HMGB1: variants seen among roughly 807,000 people sequenced by gnomAD.
HMGB1 encodes the protein high mobility group box 1.
For missense variants in HMGB1, 79 were observed against 253.5 expected (o/e 0.31, Z 4.67); for synonymous variants, 81 against 84.0 (o/e 0.96, Z 0.19).
In HMGB1 at chr13:30,617,432, G is replaced by C. The variant is rs544910777; in HGVS notation, c.-776C>G. 1.5e-4 allele frequency: 23 copies of C among 151,748 alleles called. 1 individual carries two copies. Among genetic ancestry groups the C allele is most frequent in the Admixed American group, 1.5e-3 (23 of 15,258 alleles). The allele number at this position is 151,748 out of a possible 1,614,324, so 9.4% of individuals were successfully genotyped here. A position where few individuals can be genotyped will look rare whatever the true frequency, so the allele number is the denominator to read the frequency against. On this transcript the variant is annotated 5_prime_UTR_variant, in exon 1 of 5. Transcript: ENST00000405805. Reference sequence around the variant, plus strand: ...GGCGCGGCCCAGCTGTGAAGGCCGCGCCGGCGGAGAGGGTCCATGGCACCC... The same window carrying C: ...GGCGCGGCCCAGCTGTGAAGGCCGCCCCGGCGGAGAGGGTCCATGGCACCC...
intron 1 of HMGB1, chr13:30,554,122 G>C: frequency 7.9e-7 from 1 of 1,261,956 alleles, no homozygotes; most frequent in Non-Finnish European, 1.2e-6. Context: ...AAGATGTGAA[G>C]TCATATTACA....
intron 1 of HMGB1, chr13:30,465,193 G>GGCC (rs555201146): frequency 0.19 from 145,006 of 779,506 alleles, 14,951 homozygotes; most frequent in Non-Finnish European, 0.2. Context: ...CCCGCCGCCC[G>GGCC]GCCGCCGCCG....
In HMGB1 at chr13:30,465,818, C is replaced by G. The variant is rs1291326050; in HGVS notation, c.-37G>C. Reference sequence around the variant, plus strand: ...CACCCTCAGCGAGGCACAGAGTCGCCCAGTGCCCGTCCGGCTCTCACTTGC... The same window carrying G: ...CACCCTCAGCGAGGCACAGAGTCGCGCAGTGCCCGTCCGGCTCTCACTTGC... On this transcript the variant is annotated 5_prime_UTR_variant, in exon 1 of 5. Coordinates refer to ENST00000341423, the MANE Select transcript of HMGB1 (RefSeq NM_002128.7). The G allele has an allele frequency of 1.0e-6, 1 of 985,480 alleles. No homozygotes were observed. Among genetic ancestry groups the G allele is most frequent in the Admixed American group, 6.1e-5 (1 of 16,268 alleles). 61.0% of individuals were successfully genotyped at this position (985,480 alleles called of 1,614,324 possible).
exon 1 of HMGB1, chr13:30,617,434 C>A (rs1470855545): frequency 6.6e-6 from 1 of 151,964 alleles, no homozygotes; most frequent in Admixed American, 6.5e-5. Flanking sequence ...AAGGCCGCGC[C>A]GGCGGAGAGG....
At chr13:30,486,373 T>C (rs1887363517) in intron 1 of HMGB1, among the ~76,000 whole-genome samples, 1 of 152,218 alleles carries the variant, frequency 6.6e-6, no homozygotes, top group Admixed American at 6.5e-5. Flanking sequence ...ACTCTAGGAA[T>C]GCTGAGGTCA....
chr13:30,583,664 C>T (rs1871006686), intron 1 of HMGB1, among the ~76,000 whole-genome samples: 2 of 150,998 alleles, frequency 1.3e-5, no homozygotes, highest in African/African-American at 2.4e-5. Flanking sequence ...CATGGTGAAA[C>T]CCCATCTCTA....
At chr13:30,480,141 G>T (rs965346693) in intron 1 of HMGB1, among the ~76,000 whole-genome samples, 8 of 152,198 alleles carry the variant, frequency 5.3e-5, no homozygotes, top group Admixed American at 5.2e-4. Context: ...GATGCTTTCG[G>T]AAGTTAAAGC....
chr13:30,553,661 T>C, intron 1 of HMGB1: 2 of 731,164 alleles, frequency 2.7e-6, no homozygotes, highest in East Asian at 2.7e-5. Flanking sequence ...ATTCACTATT[T>C]GTCCCAGCCA....
chr13:30,595,654 C>T (rs931773430), intron 1 of HMGB1, among the ~76,000 whole-genome samples: 5 of 152,112 alleles, frequency 3.3e-5, no homozygotes, highest in Non-Finnish European at 5.9e-5. Context: ...GACAAGATGT[C>T]GGCTGGGACG....
chr13:30,563,987 A>T (rs1870073993), intron 1 of HMGB1, among the ~76,000 whole-genome samples: 1 of 152,228 alleles, frequency 6.6e-6, no homozygotes, highest in African/African-American at 2.4e-5. Flanking sequence ...TTTTCAATAA[A>T]TAATTTATTT....
intron 1 of HMGB1, among the ~76,000 whole-genome samples, chr13:30,526,320 G>C (rs1331760655): frequency 6.6e-6 from 1 of 152,190 alleles, no homozygotes; most frequent in African/African-American, 2.4e-5. Flanking sequence ...GCCTCCCAAA[G>C]TGCTGGGTTT....
intron 1 of HMGB1, among the ~76,000 whole-genome samples, chr13:30,552,418 A>T (rs1593307646): frequency 6.6e-6 from 1 of 152,192 alleles, no homozygotes; most frequent in African/African-American, 2.4e-5. Flanking sequence ...TATAGAGTTG[A>T]TGCTCATATT....
At chr13:30,586,825 T>C (rs1566033045) in intron 1 of HMGB1, among the ~76,000 whole-genome samples, 1 of 152,164 alleles carries the variant, frequency 6.6e-6, no homozygotes, top group Admixed American at 6.5e-5. Context: ...GGACTTTTAA[T>C]AGGCATCTCA....
At chr13:30,476,112 C>G (rs894770221) in intron 1 of HMGB1, among the ~76,000 whole-genome samples, 1 of 141,046 alleles carries the variant, frequency 7.1e-6, no homozygotes, top group Non-Finnish European at 1.5e-5. Flanking sequence ...TCGCAGGTGG[C>G]ATGTACTTTT....
chr13:30,506,525 C>T (rs553086955), intron 1 of HMGB1, among the ~76,000 whole-genome samples: 107 of 152,310 alleles, frequency 7.0e-4, no homozygotes, highest in African/African-American at 2.3e-3. Context: ...CCATCTCACA[C>T]GAAGACCGGT....
intron 1 of HMGB1, among the ~76,000 whole-genome samples, chr13:30,533,331 A>G (rs1008696710): frequency 6.6e-6 from 1 of 152,204 alleles, no homozygotes; most frequent in African/African-American, 2.4e-5. Context: ...TAACAGAACC[A>G]TAACGCTTCC....
At position 30,496,900 on chromosome 13, in the gene HMGB1, G is replaced by A. The variant is rs150085905; in HGVS notation, c.-14-33206C>T. On this transcript the variant is annotated intron_variant, in intron 1 of 4. Transcript: ENST00000405805. ...CTGCAACACACACACCACACACACC[G>A]CCCACCAATATTCCCGTCATGCCCG... 7.8e-3 allele frequency among the ~76,000 whole-genome samples: 1,186 copies of A among 151,934 alleles called. 6 individuals are homozygous for A. The highest frequency in any genetic ancestry group is 0.034 in the Middle Eastern group (10 of 294).
chr13:30,555,930 C>A (rs1194962652), intron 1 of HMGB1, among the ~76,000 whole-genome samples: 1 of 152,126 alleles, frequency 6.6e-6, no homozygotes, highest in Non-Finnish European at 1.5e-5. Context: ...ACAAGATACT[C>A]CAGGTTGCTT....
At chr13:30,610,225 G>A (rs1188079683) in intron 1 of HMGB1, among the ~76,000 whole-genome samples, 3 of 152,230 alleles carry the variant, frequency 2.0e-5, no homozygotes, top group Admixed American at 6.5e-5. Flanking sequence ...TAGCAGCTAC[G>A]TTTTTTGGGC....
Sources: gnomAD v4.1 joint callset for allele counts (sites outside exome capture counted in the v4.1 genomes callset) on GRCh38, gnomAD v4.1.1 for gene constraint, MANE v1.5 for transcripts, NCBI Gene and HGNC (gene_info 2026-07-23, HGNC 2026-07-21) for gene names.